LPCAT2: variants seen among roughly 807,000 people sequenced by gnomAD.
LPCAT2 encodes 1-AGP acyltransferase 11.
In LPCAT2, 58 loss-of-function variants were observed where a neutral mutation model predicts 64.7. The observed-to-expected ratio is 0.90, with a 90% confidence interval of 0.73 to 1.12. LPCAT2 has a LOEUF of 1.12. Among genes scored for constraint, LPCAT2 ranks in the 50% most tolerant of loss-of-function variants. The pLI is 0.00. For synonymous variants in LPCAT2, 252 were observed against 245.3 expected (o/e 1.03, Z -0.26); for missense variants, 579 against 669.8 (o/e 0.86, Z 1.50).
intron 11 of LPCAT2, chr16:55,567,200 GAAC>G (rs745910807): frequency 1.2e-5 from 19 of 1,613,702 alleles, no homozygotes; most frequent in Admixed American, 1.7e-5. Context: ...AGTATCTGTG[GAAC>G]AACATCAAGA....
chr16:55,514,890 T>TTGTGTGTGTGTG (rs35295405), intron 1 of LPCAT2, among the ~76,000 whole-genome samples: 38 of 141,328 alleles, frequency 2.7e-4, no homozygotes, highest in African/African-American at 5.8e-4. Context: ...ATGCAATGCA[T>TTGTGTGTGTGTG]TGTGTGTGTG....
At chr16:55,520,324 A>G (rs1421728845) in intron 1 of LPCAT2, among the ~76,000 whole-genome samples, 1 of 152,128 alleles carries the variant, frequency 6.6e-6, no homozygotes, top group Non-Finnish European at 1.5e-5. Flanking sequence ...GTCAGTGGGA[A>G]AACTTAGCAG....
At chr16:55,530,146 G>A (rs1221601098) in intron 4 of LPCAT2, among the ~76,000 whole-genome samples, 199 bp downstream of exon 4, 1 of 152,036 alleles carries the variant, frequency 6.6e-6, no homozygotes, top group African/African-American at 2.4e-5. Flanking sequence ...GGAATTAAAT[G>A]TATTATTCTT....
chr16:55,572,037 C>G (rs1156789462), intron 11 of LPCAT2, among the ~76,000 whole-genome samples: 2 of 152,116 alleles, frequency 1.3e-5, no homozygotes, highest in African/African-American at 4.8e-5. Flanking sequence ...AATTTCCATG[C>G]TGCTTTTTCC....
At chr16:55,580,010 A>G (rs767815936) in intron 13 of LPCAT2, among the ~76,000 whole-genome samples, 1 of 152,152 alleles carries the variant, frequency 6.6e-6, no homozygotes, top group Non-Finnish European at 1.5e-5. Flanking sequence ...AGAGACCAAG[A>G]TAATTGTTTC....
chr16:55,578,487 T>G (rs1963852955), intron 12 of LPCAT2, among the ~76,000 whole-genome samples: 1 of 152,168 alleles, frequency 6.6e-6, no homozygotes, highest in African/African-American at 2.4e-5. Context: ...TATGCAAGTC[T>G]TGTCTTTGCT....
intron 11 of LPCAT2, among the ~76,000 whole-genome samples, chr16:55,563,436 T>C (rs1963658635): frequency 6.6e-6 from 1 of 151,946 alleles, no homozygotes; most frequent in Non-Finnish European, 1.5e-5. Context: ...ATATGCCATA[T>C]GAACATGGAT....
chr16:55,574,843 A>T (rs1393574518), intron 12 of LPCAT2, 114 bp downstream of exon 12: 1 of 771,018 alleles, frequency 1.3e-6, no homozygotes, highest in African/African-American at 1.7e-5. Context: ...ATCTGCTGTG[A>T]CATGTACAGG....
At chr16:55,550,735 G>A (rs983119344) in intron 10 of LPCAT2, among the ~76,000 whole-genome samples, 1 of 152,124 alleles carries the variant, frequency 6.6e-6, no homozygotes, top group Admixed American at 6.5e-5. Context: ...CCAACATGGT[G>A]AAACCCCATC....
intron 4 of LPCAT2, 34 bp from the exon 5 acceptor site, chr16:55,531,880 A>G (rs1311824250): frequency 3.0e-6 from 4 of 1,323,998 alleles, no homozygotes; most frequent in Non-Finnish European, 4.3e-6. Context: ...TATTAATTAG[A>G]TTGAAATATT....
intron 11 of LPCAT2, among the ~76,000 whole-genome samples, chr16:55,561,561 C>T (rs764635987): frequency 4.7e-5 from 6 of 126,552 alleles, no homozygotes; most frequent in African/African-American, 7.9e-5. Flanking sequence ...TCCATCTTCA[C>T]GGAAAATAAA....
intron 11 of LPCAT2, among the ~76,000 whole-genome samples, chr16:55,563,078 G>A (rs1177600548): frequency 6.6e-6 from 1 of 151,846 alleles, no homozygotes; most frequent in Non-Finnish European, 1.5e-5. Flanking sequence ...GAAATAAAAA[G>A]GATGATGAGT....
intron 11 of LPCAT2, among the ~76,000 whole-genome samples, chr16:55,560,782 C>CTACA (rs1963627205): frequency 6.6e-6 from 1 of 151,964 alleles, no homozygotes; most frequent in Non-Finnish European, 1.5e-5. Flanking sequence ...TTCTTTTTTA[C>CTACA]TACAAACTGT....
intron 9 of LPCAT2, among the ~76,000 whole-genome samples, chr16:55,547,505 A>G (rs927549964): frequency 9.9e-5 from 15 of 152,196 alleles, no homozygotes; most frequent in African/African-American, 3.4e-4. Context: ...TTATCTTTAC[A>G]TCAACTCTAT....
chr16:55,511,637 A>T (rs991904893), intron 1 of LPCAT2, among the ~76,000 whole-genome samples: 6 of 152,250 alleles, frequency 3.9e-5, no homozygotes, highest in African/African-American at 1.4e-4. Context: ...ATATTACCAA[A>T]TGGAAATATG....
At chr16:55,545,915 G>C (rs190861495) in intron 9 of LPCAT2, 98 bp downstream of exon 9, 3 of 787,114 alleles carry the variant, frequency 3.8e-6, no homozygotes, top group Non-Finnish European at 6.3e-6. Context: ...ACCCCTGAAG[G>C]CCTCGTTCCC....
intron 7 of LPCAT2, among the ~76,000 whole-genome samples, chr16:55,537,322 T>C (rs773999592): frequency 5.3e-5 from 8 of 151,710 alleles, no homozygotes; most frequent in Non-Finnish European, 1.0e-4. Flanking sequence ...GCCCAGGAGG[T>C]TGAGGCTGCA....
intron 13 of LPCAT2, among the ~76,000 whole-genome samples, chr16:55,579,883 A>G (rs1963870059): frequency 6.6e-6 from 1 of 152,212 alleles, no homozygotes; most frequent in African/African-American, 2.4e-5. Context: ...TGGCAGGTCT[A>G]TCCATCAGTA....
intron 13 of LPCAT2, among the ~76,000 whole-genome samples, chr16:55,581,248 A>G (rs555623713): frequency 2.0e-5 from 3 of 152,308 alleles, no homozygotes; most frequent in East Asian, 1.9e-4. Flanking sequence ...TAAGTCTTCT[A>G]TGTGTCTCCG....
Sources: allele counts gnomAD v4.1 joint callset (sites outside exome capture counted in the v4.1 genomes callset), GRCh38; gene constraint gnomAD v4.1.1; transcripts MANE v1.5; gene names NCBI Gene and HGNC (gene_info 2026-07-23, HGNC 2026-07-21).